ACER1: variants seen among roughly 807,000 people sequenced by gnomAD.
ACER1 encodes alkaline ceramidase 1.
Under a neutral mutation model 24.9 loss-of-function variants are expected in ACER1, and 28 were observed. The ratio of observed to expected loss-of-function variants is 1.13; its 90% CI spans 0.83 to 1.54. ACER1 has a LOEUF of 1.54. Among genes scored for constraint, ACER1 ranks in the 40% most tolerant of loss-of-function variants. ACER1 has a pLI of 0.00. For missense variants in ACER1, 352 were observed against 349.3 expected (o/e 1.01, Z -0.06); for synonymous variants, 132 against 131.4 (o/e 1.00, Z -0.03).
the ACER1 span, among the ~76,000 whole-genome samples, chr19:6,345,628 G>C: frequency 6.7e-6 from 1 of 148,450 alleles, no homozygotes; most frequent in Non-Finnish European, 1.5e-5. Context: ...GCAGTGGTAC[G>C]ATCTCAGCTC....
At chr19:6,307,401 A>G (rs2091557700) in intron 4 of ACER1, 111 bp from the exon 5 acceptor site, 4 of 1,297,422 alleles carry the variant, frequency 3.1e-6, no homozygotes, top group Middle Eastern at 5.1e-4. Context: ...GGAGAAGGGA[A>G]AGAGCAGGAA....
At chr19:6,326,148 C>T (rs1417273221) in intron 1 of ACER1, among the ~76,000 whole-genome samples, 15 of 127,632 alleles carry the variant, frequency 1.2e-4, no homozygotes, top group African/African-American at 4.5e-4. Context: ...TTTTTAAAGA[C>T]GGAGTCTCGC....
intron 1 of ACER1, among the ~76,000 whole-genome samples, chr19:6,316,606 A>G (rs7251425): frequency 0.31 from 46,912 of 151,420 alleles, 8,676 homozygotes; most frequent in African/African-American, 0.52. Context: ...GGATCATGAG[A>G]CCAAGAGTTC....
chr19:6,359,319 AT>A, the ACER1 span, among the ~76,000 whole-genome samples: 19,506 of 140,452 alleles, frequency 0.14, 1,674 homozygotes, highest in East Asian at 0.39. Flanking sequence ...ATCTGCTGTG[AT>A]TTTTTTTTTT....
At chr19:6,337,639 CTTTTCTTTTCTTTCTTTCTTTCTTT>C (rs1192741589), upstream of ACER1, among the ~76,000 whole-genome samples, 134 of 58,040 alleles carry the variant, frequency 2.3e-3, 6 homozygotes, top group African/African-American at 8.6e-3. Context: ...TTTTCTTTTT[CTTTTCTTTTCTTTCTTTCTTTCTTT>C]TTTTTTTTTT....
the ACER1 span, among the ~76,000 whole-genome samples, chr19:6,342,023 T>C: frequency 1.4e-5 from 2 of 143,902 alleles, no homozygotes; most frequent in South Asian, 4.2e-4. Context: ...TATGCATTAA[T>C]ATTTGGAAAG....
chr19:6,334,063 T>C (rs1021898026), upstream of ACER1, among the ~76,000 whole-genome samples: 1 of 148,118 alleles, frequency 6.8e-6, no homozygotes, highest in Non-Finnish European at 1.5e-5. Context: ...TTTTTTTTTT[T>C]GGAGACAGAG....
the ACER1 span, among the ~76,000 whole-genome samples, chr19:6,355,575 T>TG: frequency 2.9e-5 from 4 of 138,614 alleles, no homozygotes; most frequent in South Asian, 7.0e-4. Context: ...GGGAGGGAGG[T>TG]GGGGGTCAGC....
At chr19:6,355,718 C>T in the ACER1 span, among the ~76,000 whole-genome samples, 1 of 144,702 alleles carries the variant, frequency 6.9e-6, no homozygotes, top group Non-Finnish European at 1.5e-5. Context: ...AGCCCCTCTG[C>T]CCGGCCAGCC....
upstream of ACER1, among the ~76,000 whole-genome samples, chr19:6,335,595 C>G (rs980858931): frequency 1.3e-5 from 2 of 151,970 alleles, no homozygotes; most frequent in African/African-American, 4.8e-5. Flanking sequence ...CTTTGGGAGA[C>G]CAAGGCGGGA....
chr19:6,327,493 A>T (rs1171035140), intron 1 of ACER1, among the ~76,000 whole-genome samples: 1 of 151,996 alleles, frequency 6.6e-6, no homozygotes, highest in East Asian at 1.9e-4. Flanking sequence ...TGAACCCGGG[A>T]GGCGGAGCTT....
At chr19:6,326,147 ACG>A (rs1300851352) in intron 1 of ACER1, among the ~76,000 whole-genome samples, 1 of 125,288 alleles carries the variant, frequency 8.0e-6, no homozygotes, top group Non-Finnish European at 1.6e-5. Flanking sequence ...TTTTTTAAAG[ACG>A]GAGTCTCGCT....
At chr19:6,347,218 C>CTT in the ACER1 span, among the ~76,000 whole-genome samples, 30 of 132,182 alleles carry the variant, frequency 2.3e-4, no homozygotes, top group East Asian at 1.4e-3. Flanking sequence ...CTTTTCTTTT[C>CTT]TTTTTCTTTT....
chr19:6,343,309 C>T, the ACER1 span, among the ~76,000 whole-genome samples: 4 of 152,324 alleles, frequency 2.6e-5, no homozygotes, highest in East Asian at 7.7e-4. Context: ...TCCCAGAAGG[C>T]TCAGGCAAGT....
chr19:6,333,267 C>T (rs2091697492), intron 1 of ACER1, among the ~76,000 whole-genome samples, 192 bp downstream of exon 1: 1 of 152,130 alleles, frequency 6.6e-6, no homozygotes. Flanking sequence ...TCTCCAAAAC[C>T]TACCACAGAG....
In ACER1 at chr19:6,307,186, T is replaced by C. The variant is rs1458120780; in HGVS notation, c.593A>G (p.Gln198Arg). The change falls in exon 5 of 6, where the codon CAG becomes CGG. Residue 198 changes from glutamine to arginine, a missense_variant. Transcript: ENST00000301452. ...ISDRLLCSFW[Q>R]RIHFFYLHSI... ...GTGCAGATAGAAGAAATGAATCCTC[T>C]GCCAGAAGCTGCAAAGCAGACGGTC... 1 of 1,614,124 alleles carries C rather than the reference T, an allele frequency of 6.2e-7. No individual in the cohort carries two copies. Among genetic ancestry groups the C allele is most frequent in the Admixed American group, 1.7e-5 (1 of 60,010 alleles).
rs370731919 is a variant in ACER1, at chr19:6,332,909, TCCACCCA to T, written c.93+543_93+549del. ...ATCTCCAACTCCTGAGCTCAGGCAATCCACCCACCTTGGCCTTCCAAAGTGCTAGGAT... is the reference window on the plus strand; with the variant it reads ...ATCTCCAACTCCTGAGCTCAGGCAATCCTTGGCCTTCCAAAGTGCTAGGAT... On this transcript the variant is annotated intron_variant, in intron 1 of 5. Transcript: ENST00000301452. Among the ~76,000 whole-genome samples the T allele has an allele frequency of 4.6e-3, 694 of 152,150 alleles. 7 individuals carry two copies. Among genetic ancestry groups the T allele is most frequent in the African/African-American group, 0.016 (652 of 41,510 alleles).
At position 6,306,873 on chromosome 19, in the gene ACER1, G is replaced by A. The variant is rs2144992937; in HGVS notation, c.636C>T (p.Leu212=). The A allele has an allele frequency of 1.2e-6, 2 of 1,613,402 alleles. No homozygotes were observed. Among genetic ancestry groups the A allele is most frequent in the Non-Finnish European group, 1.7e-6 (2 of 1,179,572 alleles). The change falls in exon 6 of 6, where the codon CTC becomes CTT. Residue 212 remains leucine (L), a synonymous_variant. Transcript: ENST00000301452. ...FFYLHSIWHV[L]ISITFPYGMV... is the part of the protein sequence containing the mutation. Reference sequence around the variant, plus strand: ...TGCCATAAGGGAAGGTGATGCTGATGAGCACATGCCTGTGGAGTGCAGGGC... The same window carrying A: ...TGCCATAAGGGAAGGTGATGCTGATAAGCACATGCCTGTGGAGTGCAGGGC...
In ACER1 at chr19:6,333,035, T is replaced by G. The variant is rs147888198; in HGVS notation, c.93+424A>C. Among the ~76,000 whole-genome samples, 11 of 152,106 alleles carry G rather than the reference T, an allele frequency of 7.2e-5. No homozygotes were observed. The East Asian group carries it at 2.1e-3, about 29-fold the overall frequency. ...AGGCACACTGGGACAAGTTGGTCAG[T>G]GGGTACAGCTGCAAACAAGACAGAC... is the stretch of plus-strand genomic sequence containing the variant. On this transcript the variant is annotated intron_variant, in intron 1 of 5. Transcript: ENST00000301452.
Sources: gnomAD v4.1 joint callset for allele counts (sites outside exome capture counted in the v4.1 genomes callset) on GRCh38, gnomAD v4.1.1 for gene constraint, MANE v1.5 for transcripts, NCBI Gene and HGNC (gene_info 2026-07-23, HGNC 2026-07-21) for gene names.